TUBA1C: variants seen among roughly 807,000 people sequenced by gnomAD.
The protein encoded by TUBA1C is tubulin alpha-1C chain.
Under a neutral mutation model 34.9 loss-of-function variants are expected in TUBA1C, and 16 were observed. The ratio of observed to expected loss-of-function variants is 0.46; its 90% CI spans 0.31 to 0.70. TUBA1C has a LOEUF of 0.70. Ranked by LOEUF, TUBA1C falls within the 30% of genes least tolerant of loss-of-function variation. The pLI, the probability that TUBA1C is intolerant of heterozygous loss-of-function variation, is 0.05. For missense variants in TUBA1C, 329 were observed against 587.3 expected, an observed-to-expected ratio of 0.56 and a Z score of 4.55; for synonymous variants, 177 against 215.9, an observed-to-expected ratio of 0.82 and a Z score of 1.58.
intron 1 of TUBA1C, chr12:49,256,338 A>G: frequency 2.3e-6 from 1 of 427,244 alleles, no homozygotes; most frequent in Non-Finnish European, 4.8e-6. Flanking sequence ...AACAGCGTGA[A>G]TTTAAAATTT....
Position 49,265,098 on chromosome 12 carries a change from A to G in TUBA1C, c.-84A>G. On this transcript the variant is annotated 5_prime_UTR_variant, in exon 1 of 4. Coordinates refer to ENST00000301072, the MANE Select transcript of TUBA1C (RefSeq NM_032704.5). ...CACCCTTTCACTACTTCTCCCCCGG[A>G]CTCCTTGGTAGTCTGTTAGTGGGAG... 6.7e-7 allele frequency: 1 copy of G among 1,495,010 alleles called. No homozygotes were observed. The highest frequency in any genetic ancestry group is 1.9e-5 in the Admixed American group (1 of 52,770). 92.6% of individuals were successfully genotyped at this position (1,495,010 alleles called of 1,614,324 possible). A position where few individuals can be genotyped will look rare whatever the true frequency, so the allele number is the denominator to read the frequency against.
chr12:49,250,404 G>A (rs59976042), intron 1 of TUBA1C, among the ~76,000 whole-genome samples: 36,146 of 150,334 alleles, frequency 0.24, 5,042 homozygotes, highest in East Asian at 0.68. Flanking sequence ...GGCACCTGTA[G>A]TCCCAGCTAC....
intron 1 of TUBA1C, chr12:49,256,288 T>C (rs1034794962): frequency 2.9e-6 from 1 of 339,810 alleles, no homozygotes; most frequent in Non-Finnish European, 6.0e-6. Flanking sequence ...GAAACAACTT[T>C]GGTTTATTAT....
chr12:49,228,238 C>A, intron 1 of TUBA1C: 1 of 1,377,162 alleles, frequency 7.3e-7, no homozygotes, highest in Non-Finnish European at 9.8e-7. Flanking sequence ...TGTGTGCATG[C>A]AACTGATATT....
intron 1 of TUBA1C, among the ~76,000 whole-genome samples, chr12:49,239,411 CG>C (rs1218110103): frequency 1.3e-5 from 2 of 152,008 alleles, no homozygotes; most frequent in South Asian, 2.1e-4. Flanking sequence ...GAGGCCGAAG[CG>C]GGCGGATCAC....
chr12:49,234,331 T>A (rs77318187), intron 1 of TUBA1C, among the ~76,000 whole-genome samples: 2,866 of 152,358 alleles, frequency 0.019, 84 homozygotes, highest in African/African-American at 0.065. Context: ...AGCATTGTCT[T>A]AAATAACAAG....
At chr12:49,268,179 A>G (rs11168954) in intron 1 of TUBA1C, among the ~76,000 whole-genome samples, 4,832 of 152,060 alleles carry the variant, frequency 0.032, 107 homozygotes, top group African/African-American at 0.061. Context: ...TGCAACCGCC[A>G]CCTCCTGGGT....
intron 1 of TUBA1C, among the ~76,000 whole-genome samples, chr12:49,252,306 G>A (rs1942739285): frequency 1.3e-5 from 2 of 152,072 alleles, no homozygotes; most frequent in Non-Finnish European, 2.9e-5. Flanking sequence ...TGCTCTTCAA[G>A]TGCTCTTTTC....
At chr12:49,243,010 G>GT (rs907120027) in intron 1 of TUBA1C, among the ~76,000 whole-genome samples, 1 of 152,070 alleles carries the variant, frequency 6.6e-6, no homozygotes, top group African/African-American at 2.4e-5. Flanking sequence ...TTTTTGACAT[G>GT]TTGCTCGGGC....
At chr12:49,230,789 G>A (rs1428589863) in intron 1 of TUBA1C, among the ~76,000 whole-genome samples, 1 of 152,228 alleles carries the variant, frequency 6.6e-6, no homozygotes, top group African/African-American at 2.4e-5. Context: ...ATCATGAGAT[G>A]TTCTGGTGCA....
intron 1 of TUBA1C, among the ~76,000 whole-genome samples, chr12:49,266,818 C>T (rs1018407676): frequency 2.0e-5 from 3 of 152,134 alleles, no homozygotes; most frequent in Non-Finnish European, 4.4e-5. Flanking sequence ...CACTGCACTC[C>T]AGCGAGACCT....
At position 49,273,318 on chromosome 12, in the gene TUBA1C, GA is replaced by G; in HGVS notation, c.*93del. On this transcript the variant is annotated 3_prime_UTR_variant, in exon 4 of 4. Coordinates refer to ENST00000301072, the MANE Select transcript of TUBA1C (RefSeq NM_032704.5). ...ATTGCCGTAAATTGTTAATAAAATT[GA>G]AGTTTCCATTTTAAATGTCGAGCTG... 6.2e-7 allele frequency: 1 copy of G among 1,608,446 alleles called. No individual in the cohort carries two copies. Among genetic ancestry groups the G allele is most frequent in the South Asian group, 1.1e-5 (1 of 90,746 alleles).
intron 1 of TUBA1C, among the ~76,000 whole-genome samples, chr12:49,258,839 C>T (rs186430946): frequency 6.6e-6 from 1 of 152,048 alleles, no homozygotes; most frequent in East Asian, 1.9e-4. Flanking sequence ...TCACTGCAAC[C>T]TCCACCTTCC....
upstream of TUBA1C, among the ~76,000 whole-genome samples, chr12:49,262,447 A>G (rs1942850876): frequency 6.7e-6 from 1 of 149,358 alleles, no homozygotes; most frequent in Admixed American, 6.7e-5. Flanking sequence ...AAAAAAAAAA[A>G]GGCTGATCAC....
chr12:49,264,155 G>C (rs1396166479), upstream of TUBA1C, among the ~76,000 whole-genome samples: 1 of 151,744 alleles, frequency 6.6e-6, no homozygotes, highest in African/African-American at 2.4e-5. Flanking sequence ...GGGAGGCAGA[G>C]GTTGCAGTGA....
At position 49,269,980 on chromosome 12, in the gene TUBA1C, A is replaced by C. The variant is rs774615471; in HGVS notation, c.375+4A>C. ...GTTGGACCGAATTCGCAAGCTGGTA[A>C]GTATAGTACTTTAAATAAAGTGGGA... On this transcript the variant is annotated splice_donor_region_variant and intron_variant, in intron 3 of 3. Coordinates refer to ENST00000301072, the MANE Select transcript of TUBA1C (RefSeq NM_032704.5). 1.2e-6 allele frequency: 2 copies of C among 1,614,218 alleles called. No individual in the cohort carries two copies. Among genetic ancestry groups the C allele is most frequent in the Non-Finnish European group, 1.7e-6 (2 of 1,180,040 alleles).
chr12:49,261,943 G>A (rs1942844240), upstream of TUBA1C, among the ~76,000 whole-genome samples: 1 of 152,098 alleles, frequency 6.6e-6, no homozygotes, highest in Non-Finnish European at 1.5e-5. Context: ...TCAAGATGTT[G>A]ACTGAGGAAG....
upstream of TUBA1C, chr12:49,265,074 A>G (rs2137015397): frequency 2.1e-6 from 3 of 1,401,240 alleles, no homozygotes; most frequent in Non-Finnish European, 1.9e-6. Flanking sequence ...GGGGCCGGCC[A>G]CCCTTTCACT....
intron 3 of TUBA1C, 102 bp downstream of exon 3, chr12:49,270,078 A>G: frequency 1.9e-6 from 3 of 1,601,972 alleles, no homozygotes; most frequent in Non-Finnish European, 2.6e-6. Context: ...GACTATTTGC[A>G]TTGCAACTAA....
Sources: allele counts gnomAD v4.1 joint callset (sites outside exome capture counted in the v4.1 genomes callset), GRCh38; gene constraint gnomAD v4.1.1; transcripts MANE v1.5; gene names NCBI Gene and HGNC (gene_info 2026-07-23, HGNC 2026-07-21).